Variants in SDK2 observed in about 807,000 individuals in gnomAD.
The protein encoded by SDK2 is protein sidekick-2.
Under a neutral mutation model 253.9 loss-of-function variants are expected in SDK2, and 105 were observed. That is an observed-to-expected ratio of 0.41 (90% CI 0.35 to 0.49). The LOEUF (loss-of-function observed/expected upper bound fraction) is 0.49, where lower values mean the gene tolerates loss of function less well. Ranked by LOEUF, SDK2 falls within the 20% of genes least tolerant of loss-of-function variation. The pLI, the probability that SDK2 is intolerant of heterozygous loss-of-function variation, is 0.06. For missense variants in SDK2, 2,608 were observed against 3,003.0 expected, an observed-to-expected ratio of 0.87 and a Z score of 3.07; for synonymous variants, 1,249 against 1,234.9, an observed-to-expected ratio of 1.01 and a Z score of -0.24.
chr17:73,528,769 A>C (rs952539132), intron 1 of SDK2, among the ~76,000 whole-genome samples: 24 of 152,126 alleles, frequency 1.6e-4, no homozygotes, highest in Middle Eastern at 3.4e-3. Context: ...CTCCCACTGC[A>C]TTTATCCCCT....
intron 1 of SDK2, among the ~76,000 whole-genome samples, chr17:73,602,060 A>C (rs1190366609): frequency 6.6e-6 from 1 of 152,208 alleles, no homozygotes; most frequent in Non-Finnish European, 1.5e-5. Flanking sequence ...TGTGTTTTAA[A>C]CAACCCAGTT....
intron 1 of SDK2, among the ~76,000 whole-genome samples, chr17:73,531,032 G>T (rs182207362): frequency 1.3e-5 from 2 of 152,106 alleles, no homozygotes; most frequent in African/African-American, 4.8e-5. Context: ...TCCTTTTCCC[G>T]CCTTTCCTTC....
intron 1 of SDK2, among the ~76,000 whole-genome samples, chr17:73,523,763 C>A (rs1176193795): frequency 6.6e-6 from 1 of 151,874 alleles, no homozygotes; most frequent in Non-Finnish European, 1.5e-5. Context: ...GGAACCACCC[C>A]CTCACCTGCA....
chr17:73,338,287 G>A lies in SDK2; in HGVS notation c.*300C>T, dbSNP rs761002622. On this transcript the variant is annotated 3_prime_UTR_variant, in exon 45 of 45. Transcript: ENST00000392650. This position sits in a 1 kb window ranked among gnomAD's most constrained non-coding sequence, Gnocchi z 5.0. ...GCTCCCTCTCTCTCTCCAGATGCCC[G>A]CCCCACTCCGTGTCCATAGCAGTGA... 29 of 543,812 alleles carry A rather than the reference G, an allele frequency of 5.3e-5. 1 individual carries two copies. Among genetic ancestry groups the A allele is most frequent in the Middle Eastern group, 2.8e-4 (1 of 3,618 alleles). 33.7% of individuals were successfully genotyped at this position (543,812 alleles called of 1,614,324 possible).
At position 73,361,711 on chromosome 17, in the gene SDK2, C is replaced by G; in HGVS notation, c.5440G>C (p.Ala1814Pro). 6.2e-7 allele frequency: 1 copy of G among 1,612,564 alleles called. No individual in the cohort carries two copies. The highest frequency in any genetic ancestry group is 8.5e-7 in the Non-Finnish European group (1 of 1,178,702). ...TCTCCGGGGCCCGTGGTGACGTTGG[C>G]TTCGATCTCCGGCCCGTAGGTGAAG... is the stretch of plus-strand genomic sequence containing the variant. ...KTFTYGPEIEANVTTGPGEGA... is the reference protein window; with the variant it reads ...KTFTYGPEIEPNVTTGPGEGA... Residue 1814 changes from alanine (A) to proline (P), a missense_variant, in exon 39 of 45, where the codon GCC becomes CCC. This residue lies in a region of SDK2 where 1,103 missense variants were observed against 1,143.9 expected (regional missense o/e 0.96). Transcript: ENST00000392650. The surrounding 1 kb of genome is among the most constrained non-coding windows in gnomAD (Gnocchi z 4.1).
intron 1 of SDK2, among the ~76,000 whole-genome samples, chr17:73,637,993 A>C (rs1282331845): frequency 1.3e-5 from 2 of 152,192 alleles, no homozygotes; most frequent in Non-Finnish European, 2.9e-5. Flanking sequence ...ACACTACCCC[A>C]TTCCATGGAT....
chr17:73,399,336 C>T (rs574897966), intron 21 of SDK2, 47 bp from the exon 22 acceptor site: 2 of 1,609,544 alleles, frequency 1.2e-6, no homozygotes, highest in Admixed American at 1.7e-5. Flanking sequence ...TGAGAATGGC[C>T]CCCCATGTTG....
chr17:73,375,827 G>A (rs1311664823), intron 36 of SDK2, among the ~76,000 whole-genome samples: 2 of 148,366 alleles, frequency 1.3e-5, no homozygotes, highest in Non-Finnish European at 2.9e-5. Flanking sequence ...CTGCACTTCA[G>A]CCTGGGTGAC....
intron 18 of SDK2, among the ~76,000 whole-genome samples, chr17:73,413,375 A>G (rs747727563): frequency 6.6e-6 from 1 of 152,002 alleles, no homozygotes; most frequent in Non-Finnish European, 1.5e-5. Context: ...TGAGTTGTAT[A>G]GTTATTTCAT....
chr17:73,502,780 G>A lies in SDK2; in HGVS notation c.224+4658C>T, dbSNP rs77149887. Among the ~76,000 whole-genome samples, 1,461 of 152,286 alleles carry A rather than the reference G, an allele frequency of 9.6e-3. 35 individuals are homozygous for A. Among genetic ancestry groups the A allele is most frequent in the African/African-American group, 0.033 (1,381 of 41,542 alleles). On this transcript the variant is annotated intron_variant, in intron 2 of 44. Coordinates refer to ENST00000392650, the MANE Select transcript of SDK2 (RefSeq NM_001144952.2). ...TACTAAACCACTGGGTGGGAGAGTC[G>A]TGGGAAGGAGATTATTCACATAGTC...
intron 2 of SDK2, among the ~76,000 whole-genome samples, chr17:73,483,685 A>G (rs1377472694): frequency 0.026 from 1,660 of 64,192 alleles, 129 homozygotes; most frequent in East Asian, 0.087. Flanking sequence ...ATATATATTT[A>G]TATATATATA....
rs777972340 is a variant in SDK2, at chr17:73,419,148, C to T, written c.2186+18G>A. The T allele has an allele frequency of 2.5e-6, 4 of 1,609,912 alleles. No homozygotes were observed. The South Asian group carries it at 4.4e-5, about 18-fold the overall frequency. ...TTCCCCTTGGGACTGGGCTCCTGTC[C>T]CCAGGGTGGACACCCACCTGATGAT... On this transcript the variant is annotated intron_variant, in intron 16 of 44. Coordinates refer to ENST00000392650, the MANE Select transcript of SDK2 (RefSeq NM_001144952.2).
chr17:73,392,941 A>G (rs965666309), intron 27 of SDK2, among the ~76,000 whole-genome samples: 5 of 152,164 alleles, frequency 3.3e-5, no homozygotes, highest in African/African-American at 1.2e-4. Flanking sequence ...AACCTGCTCC[A>G]GTTGAAAAAT....
chr17:73,605,953 A>C (rs534749424), intron 1 of SDK2, among the ~76,000 whole-genome samples: 2 of 151,454 alleles, frequency 1.3e-5, no homozygotes, highest in East Asian at 3.9e-4. Context: ...CAAACTGTAG[A>C]GTTTGGTTTT....
chr17:73,621,090 C>A (rs1286264503), intron 1 of SDK2, among the ~76,000 whole-genome samples: 1 of 152,146 alleles, frequency 6.6e-6, no homozygotes, highest in Admixed American at 6.5e-5. Context: ...ACCACAGGCA[C>A]CAGAAAGTGA....
Position 73,394,254 on chromosome 17 carries a change from G to T in SDK2, c.3663C>A (p.Ser1221Arg). 1 of 1,601,664 alleles carries T rather than the reference G, an allele frequency of 6.2e-7. No individual in the cohort carries two copies. Among genetic ancestry groups the T allele is most frequent in the Non-Finnish European group, 8.5e-7 (1 of 1,171,828 alleles). Residue 1221 changes from serine (S) to arginine (R), a missense_variant, in exon 26 of 45, where the codon AGC becomes AGA. Ser to Arg is a moderately radical substitution (Grantham distance 110, BLOSUM62 -1). This residue lies in a region of SDK2 where 1,505 missense variants were observed against 1,859.1 expected (regional missense o/e 0.81). Coordinates refer to ENST00000392650, the MANE Select transcript of SDK2 (RefSeq NM_001144952.2). ...CGTTGCGATCAGCCTCGGGGACCTCGCTCCAGCGCACCAGCATGCTGCTGG... is the reference window on the plus strand; with the variant it reads ...CGTTGCGATCAGCCTCGGGGACCTCTCTCCAGCGCACCAGCATGCTGCTGG... ...TTSSSMLVRW[S>R]EVPEADRNGL... is the part of the protein sequence containing the mutation.
intron 1 of SDK2, among the ~76,000 whole-genome samples, chr17:73,571,070 GTT>G (rs35554138): frequency 4.8e-5 from 7 of 147,034 alleles, no homozygotes; most frequent in Admixed American, 4.1e-4. Context: ...GGTGGCTCGG[GTT>G]TTTTTTTTTT....
chr17:73,570,114 GC>G lies in SDK2; in HGVS notation c.65-62518del. Among the ~76,000 whole-genome samples, 1 of 152,038 alleles carries G rather than the reference GC, an allele frequency of 6.6e-6. No homozygotes were observed. The highest frequency in any genetic ancestry group is 1.5e-5 in the Non-Finnish European group (1 of 67,976). Reference sequence around the variant, plus strand: ...ACTCTCCCCAGAGCCCCTCGGGACGGCCCCCCAGAGCCCCTCTTGGGGAGAG... The same window carrying G: ...ACTCTCCCCAGAGCCCCTCGGGACGGCCCCCAGAGCCCCTCTTGGGGAGAG... On this transcript the variant is annotated intron_variant, in intron 1 of 44. Transcript: ENST00000392650. The surrounding 1 kb of genome is among the most constrained non-coding windows in gnomAD (Gnocchi z 4.2).
chr17:73,472,541 C>T (rs1259155968), intron 2 of SDK2, among the ~76,000 whole-genome samples: 2 of 152,190 alleles, frequency 1.3e-5, no homozygotes, highest in East Asian at 1.9e-4. Context: ...GCTATTCTCC[C>T]TGACCTGTGA....
Sources: allele counts gnomAD v4.1 joint callset (sites outside exome capture counted in the v4.1 genomes callset), GRCh38; gene constraint gnomAD v4.1.1; regional missense constraint gnomAD v4.1.1; non-coding constraint Gnocchi (gnomAD v3.1); transcripts MANE v1.5; gene names NCBI Gene and HGNC (gene_info 2026-07-23, HGNC 2026-07-21).